HIPK3: variants seen among roughly 807,000 people sequenced by gnomAD.
HIPK3 encodes the protein homeodomain interacting protein kinase 3.
In HIPK3, 47 loss-of-function variants were observed where a neutral mutation model predicts 124.2. The observed-to-expected ratio is 0.38, with a 90% CI of 0.30 to 0.48. HIPK3 has a LOEUF of 0.48. Ranked by LOEUF, HIPK3 falls within the 20% of genes least tolerant of loss-of-function variation. HIPK3 has a pLI of 0.98. For synonymous variants in HIPK3, 482 were observed against 515.2 expected (o/e 0.94, Z 0.87); for missense variants, 1,286 against 1,454.3 (o/e 0.88, Z 1.88).
At chr11:33,324,880 G>A (rs556325922) in intron 2 of HIPK3, among the ~76,000 whole-genome samples, 1 of 152,286 alleles carries the variant, frequency 6.6e-6, no homozygotes, top group Non-Finnish European at 1.5e-5. Flanking sequence ...TGCTTCCTCT[G>A]CCTGTATGCT....
chr11:33,285,929 C>T (rs1361196082), intron 1 of HIPK3, among the ~76,000 whole-genome samples: 1 of 151,952 alleles, frequency 6.6e-6, no homozygotes, highest in Non-Finnish European at 1.5e-5. Context: ...GCACCACCAT[C>T]CCCAGCTAAT....
chr11:33,266,955 G>C (rs1191342838), intron 1 of HIPK3, among the ~76,000 whole-genome samples: 1 of 151,992 alleles, frequency 6.6e-6, no homozygotes, highest in East Asian at 1.9e-4. Context: ...TTTTCTCGTG[G>C]TTTTTTCTTC....
chr11:33,273,336 G>A (rs957450217), intron 1 of HIPK3, among the ~76,000 whole-genome samples: 2 of 151,806 alleles, frequency 1.3e-5, no homozygotes, highest in Non-Finnish European at 2.9e-5. Context: ...AACCCCGTCT[G>A]TACTAACAAT....
intron 2 of HIPK3, among the ~76,000 whole-genome samples, chr11:33,320,628 G>A (rs984972639): frequency 1.3e-5 from 2 of 152,194 alleles, no homozygotes; most frequent in Non-Finnish European, 2.9e-5. Flanking sequence ...GTTACATTCT[G>A]TTAATAGATA....
chr11:33,353,645 G>A lies in HIPK3; in HGVS notation c.*77G>A. Reference sequence around the variant, plus strand: ...AAACATGGTATTTAATATTAGCCATGGCACAAGAAAATTATTTTTGAATCA... The same window carrying A: ...AAACATGGTATTTAATATTAGCCATAGCACAAGAAAATTATTTTTGAATCA... On this transcript the variant is annotated 3_prime_UTR_variant, in exon 17 of 17. Transcript: ENST00000303296. 4 of 995,096 alleles carry A rather than the reference G, an allele frequency of 4.0e-6. No homozygotes were observed. Among genetic ancestry groups the A allele is most frequent in the Non-Finnish European group, 6.0e-6 (4 of 662,098 alleles). The allele number at this position is 995,096 out of a possible 1,614,324, so 61.6% of individuals were successfully genotyped here.
At chr11:33,346,332 C>T (rs986539609) in intron 8 of HIPK3, among the ~76,000 whole-genome samples, 1 of 152,156 alleles carries the variant, frequency 6.6e-6, no homozygotes, top group Non-Finnish European at 1.5e-5. Context: ...AGTTTCAGCT[C>T]TCTGCTAAGA....
Position 33,338,884 on chromosome 11 carries a change from A to ATATC in HIPK3, c.1428+42_1428+43insATCT. 3 of 1,413,416 alleles carry ATATC rather than the reference A, an allele frequency of 2.1e-6. No homozygotes were observed. The South Asian group carries it at 3.5e-5, about 17-fold the overall frequency. 87.6% of individuals were successfully genotyped at this position (1,413,416 alleles called of 1,614,324 possible). Reference sequence around the variant, plus strand: ...ACATTTGTTCATCTTACATGCTTAGATGGTAGACTTGAATGCCAAGGGGCC... The same window carrying ATATC: ...ACATTTGTTCATCTTACATGCTTAGATATCTGGTAGACTTGAATGCCAAGGGGCC... On this transcript the variant is annotated intron_variant, in intron 5 of 16. Coordinates refer to ENST00000303296, the MANE Select transcript of HIPK3 (RefSeq NM_005734.5).
chr11:33,318,299 T>C (rs1308735892), intron 2 of HIPK3, among the ~76,000 whole-genome samples: 1 of 152,110 alleles, frequency 6.6e-6, no homozygotes, highest in African/African-American at 2.4e-5. Context: ...ACTCCTGACC[T>C]CAAGCAGTCC....
intron 1 of HIPK3, among the ~76,000 whole-genome samples, chr11:33,267,008 G>C (rs970332362): frequency 6.6e-6 from 1 of 152,030 alleles, no homozygotes; most frequent in African/African-American, 2.4e-5. Flanking sequence ...AATTCTATTA[G>C]GCTTGCCCTT....
chr11:33,341,303 A>T (rs891167927), intron 7 of HIPK3, among the ~76,000 whole-genome samples, 176 bp downstream of exon 7: 3 of 152,002 alleles, frequency 2.0e-5, no homozygotes, highest in Admixed American at 6.5e-5. Flanking sequence ...GAACATATCT[A>T]CTCCGATTCA....
At chr11:33,272,195 A>T (rs1306124507) in intron 1 of HIPK3, among the ~76,000 whole-genome samples, 4 of 151,990 alleles carry the variant, frequency 2.6e-5, no homozygotes, top group Non-Finnish European at 5.9e-5. Flanking sequence ...ATCAGGAGTT[A>T]GAGACCAGCC....
chr11:33,318,208 A>G (rs1263017103), intron 2 of HIPK3, among the ~76,000 whole-genome samples: 1 of 137,050 alleles, frequency 7.3e-6, no homozygotes, highest in African/African-American at 2.5e-5. Context: ...TAAAAGTCCA[A>G]TAGTTTTTTT....
intron 3 of HIPK3, among the ~76,000 whole-genome samples, chr11:33,336,463 A>G (rs1853151377): frequency 6.6e-6 from 1 of 152,100 alleles, no homozygotes; most frequent in South Asian, 2.1e-4. Flanking sequence ...CTCTATTCCC[A>G]TTCAGTCTCT....
chr11:33,337,940 G>C (rs1368346901), intron 4 of HIPK3, among the ~76,000 whole-genome samples: 1 of 152,150 alleles, frequency 6.6e-6, no homozygotes, highest in Non-Finnish European at 1.5e-5. Context: ...CCAAAGTGCT[G>C]GGATTACAGG....
intron 2 of HIPK3, among the ~76,000 whole-genome samples, chr11:33,313,572 T>G (rs923019061): frequency 1.3e-5 from 2 of 152,128 alleles, no homozygotes; most frequent in Admixed American, 1.3e-4. Flanking sequence ...ATTTGGGGAA[T>G]CTAGTTGAGG....
In HIPK3 at chr11:33,287,327, C is replaced by G; in HGVS notation, c.913C>G (p.Gln305Glu). ...PLKVIRPILQQVATALKKLKS... is the reference protein window; with the variant it reads ...PLKVIRPILQEVATALKKLKS... ...AAAAGTGATTCGGCCCATTCTTCAA[C>G]AAGTGGCCACTGCACTGAAAAAATT... is the stretch of plus-strand genomic sequence containing the variant. The change falls in exon 2 of 17, where the codon CAA becomes GAA. Residue 305 changes from glutamine (Q) to glutamate (E), a missense_variant. Physicochemically the swap from Gln to Glu is conservative, Grantham distance 29. This residue lies in a region of HIPK3 where 251 missense variants were observed against 349.1 expected (regional missense o/e 0.72). Coordinates refer to ENST00000303296, the MANE Select transcript of HIPK3 (RefSeq NM_005734.5). 1 of 1,614,144 alleles carries G rather than the reference C, an allele frequency of 6.2e-7. No individual in the cohort carries two copies. The highest frequency in any genetic ancestry group is 8.5e-7 in the Non-Finnish European group (1 of 1,180,004).
rs34193811 is a variant in HIPK3, at chr11:33,286,839, A to G, written c.425A>G (p.Gln142Arg). The change falls in exon 2 of 17, where the codon CAG (glutamine) becomes CGG (arginine). Residue 142 changes from glutamine (Q) to arginine (R), a missense_variant. This residue lies in a region of HIPK3 where 225 missense variants were observed against 240.3 expected (regional missense o/e 0.94). Coordinates refer to ENST00000303296, the MANE Select transcript of HIPK3 (RefSeq NM_005734.5). ...EELDNHSSAM[Q>R]IVDELSILPA... ...TTGGATAATCATAGCAGCGCAATGCAGATTGTCGATGAATTGTCCATACTT... is the reference window on the plus strand; with the variant it reads ...TTGGATAATCATAGCAGCGCAATGCGGATTGTCGATGAATTGTCCATACTT... 1 of 1,614,234 alleles carries G rather than the reference A, an allele frequency of 6.2e-7. No homozygotes were observed. Among genetic ancestry groups the G allele is most frequent in the South Asian group, 1.1e-5 (1 of 91,092 alleles).
At chr11:33,345,122 G>T (rs924622042) in intron 8 of HIPK3, among the ~76,000 whole-genome samples, 1 of 151,860 alleles carries the variant, frequency 6.6e-6, no homozygotes, top group African/African-American at 2.4e-5. Flanking sequence ...GTAGGTATAG[G>T]TATATAAATA....
At position 33,349,143 on chromosome 11, in the gene HIPK3, C is replaced by T. The variant is rs1333744989; in HGVS notation, c.2667-4C>T. 2 of 1,610,026 alleles carry T rather than the reference C, an allele frequency of 1.2e-6. No homozygotes were observed. The highest frequency in any genetic ancestry group is 1.7e-6 in the Non-Finnish European group (2 of 1,178,304). ...TCATGTTTTTCCCTTTTCTCTTCCA[C>T]TAGATGTAAAGGTAGTCTAGATTGT... On this transcript the variant is annotated splice_polypyrimidine_tract_variant and splice_region_variant and intron_variant, in intron 13 of 16. Transcript: ENST00000303296.
Sources: gnomAD v4.1 joint callset for allele counts (sites outside exome capture counted in the v4.1 genomes callset) on GRCh38, gnomAD v4.1.1 for gene constraint, gnomAD v4.1.1 regional missense constraint, MANE v1.5 for transcripts, NCBI Gene and HGNC (gene_info 2026-07-23, HGNC 2026-07-21) for gene names.